The following MIS18BP1 variants were observed in gnomAD, a reference collection of about 807,000 sequenced individuals.
MIS18BP1 encodes mis18-binding protein 1.
MIS18BP1 carries 72 observed loss-of-function variants against 116.1 expected under a neutral mutation model. That is an observed-to-expected ratio of 0.62 (90% CI 0.51 to 0.75). The LOEUF (loss-of-function observed/expected upper bound fraction) is 0.75, where lower values mean the gene tolerates loss of function less well. MIS18BP1 is among the 30% of genes least tolerant of loss of function. MIS18BP1 has a pLI of 0.00. For missense variants in MIS18BP1, 1,363 were observed against 1,303.2 expected (o/e 1.05, Z -0.71); for synonymous variants, 386 against 427.0 (o/e 0.90, Z 1.18).
At chr14:45,230,559 C>T (rs1056804605) in intron 8 of MIS18BP1, among the ~76,000 whole-genome samples, 2 of 152,140 alleles carry the variant, frequency 1.3e-5, no homozygotes, top group Non-Finnish European at 2.9e-5. Context: ...AAAGAACAAT[C>T]ATCTTTCATT....
At chr14:45,248,668 T>A (rs1891788854) in intron 1 of MIS18BP1, among the ~76,000 whole-genome samples, 1 of 152,110 alleles carries the variant, frequency 6.6e-6, no homozygotes, top group Admixed American at 6.5e-5. Flanking sequence ...AAGCAATTAA[T>A]ATACAAAGTA....
rs534602460 is a variant in MIS18BP1, at chr14:45,215,866, A to G, written c.3003+1153T>C. Among the ~76,000 whole-genome samples the G allele has an allele frequency of 2.0e-5, 3 of 150,984 alleles. No individual in the cohort carries two copies. The South Asian group carries it at 6.3e-4, about 32-fold the overall frequency. On this transcript the variant is annotated intron_variant, in intron 13 of 16. Coordinates refer to ENST00000310806, the MANE Select transcript of MIS18BP1 (RefSeq NM_018353.5). ...ACTACAGGCGGCCGCCACCATGCCT[A>G]GCTAATTTTCTGTCTTTTTAGTAGA...
At position 45,223,906 on chromosome 14, in the gene MIS18BP1, C is replaced by G. The variant is rs1891044764; in HGVS notation, c.2669+12G>C. 2 of 1,537,092 alleles carry G rather than the reference C, an allele frequency of 1.3e-6. No individual in the cohort carries two copies. The highest frequency in any genetic ancestry group is 8.7e-7 in the Non-Finnish European group (1 of 1,145,038). On this transcript the variant is annotated intron_variant, in intron 11 of 16. Coordinates refer to ENST00000310806, the MANE Select transcript of MIS18BP1 (RefSeq NM_018353.5). Reference sequence around the variant, plus strand: ...CTCTGTAGATATTTCGGAATGAAATCTAACTACTTACCAATGAAGTTTCTG... The same window carrying G: ...CTCTGTAGATATTTCGGAATGAAATGTAACTACTTACCAATGAAGTTTCTG...
At chr14:45,241,898 G>A in intron 4 of MIS18BP1, 136 bp downstream of exon 4, 1 of 929,802 alleles carries the variant, frequency 1.1e-6, no homozygotes, top group South Asian at 1.7e-5. Context: ...ACATGATAAT[G>A]AAGACACTGT....
rs1891162634 is a variant in MIS18BP1, at chr14:45,227,699, A to G, written c.1710T>C (p.Thr570=). The G allele has an allele frequency of 4.3e-6, 7 of 1,613,528 alleles. No homozygotes were observed. In the East Asian group the frequency reaches 1.3e-4, roughly 31 times the overall value. ...LRFPDDQVNN[T]IQNGGGDDLS... Reference sequence around the variant, plus strand: ...AGTCATCTCCTCCTCCATTTTGAATAGTATTATTTACTTGGTCATCTGGGA... The same window carrying G: ...AGTCATCTCCTCCTCCATTTTGAATGGTATTATTTACTTGGTCATCTGGGA... The change falls in exon 9 of 17, where the codon ACT becomes ACC. Residue 570 remains threonine (T), a synonymous_variant. Coordinates refer to ENST00000310806, the MANE Select transcript of MIS18BP1 (RefSeq NM_018353.5).
At position 45,204,037 on chromosome 14, in the gene MIS18BP1, G is replaced by A. The variant is rs2139130263; in HGVS notation, c.*72C>T. 6.5e-7 allele frequency: 1 copy of A among 1,540,506 alleles called. No individual in the cohort carries two copies. Among genetic ancestry groups the A allele is most frequent in the Non-Finnish European group, 8.7e-7 (1 of 1,147,356 alleles). On this transcript the variant is annotated 3_prime_UTR_variant, in exon 17 of 17. Transcript: ENST00000310806. ...AAGCTACTTTACAAAGAAAATACAT[G>A]TACTCCAGTTGAAAATACAAACACT...
Position 45,224,423 on chromosome 14 carries a change from C to T in MIS18BP1, c.2164G>A (p.Val722Ile), listed in dbSNP as rs997705111. 1.9e-6 allele frequency: 3 copies of T among 1,613,738 alleles called. No homozygotes were observed. The African/African-American group carries it at 4.0e-5, about 22-fold the overall frequency. Residue 722 changes from valine to isoleucine, a missense_variant, in exon 11 of 17, where the codon GTC becomes ATC. Physicochemically the swap from Val to Ile is conservative, Grantham distance 29 (BLOSUM62 3). Coordinates refer to ENST00000310806, the MANE Select transcript of MIS18BP1 (RefSeq NM_018353.5). ...EDCDERDLLT[V>I]NRKIKISNLE... ...TTAGATATTTTTATTTTCCGGTTGA[C>T]AGTAAGTAAGTCACGTTCATCGCAA...
intron 1 of MIS18BP1, among the ~76,000 whole-genome samples, chr14:45,248,189 G>A (rs1329391969): frequency 1.3e-5 from 2 of 149,494 alleles, no homozygotes; most frequent in East Asian, 2.0e-4. Flanking sequence ...TCAGCCTCCC[G>A]AGTAGCTGGA....
chr14:45,221,828 G>A (rs529528751), intron 11 of MIS18BP1, among the ~76,000 whole-genome samples: 2 of 152,338 alleles, frequency 1.3e-5, no homozygotes, highest in African/African-American at 4.8e-5. Flanking sequence ...ACCAAGAGAG[G>A]AGCAGTGTGG....
chr14:45,220,664 A>C (rs1890947941), intron 11 of MIS18BP1, among the ~76,000 whole-genome samples: 1 of 152,200 alleles, frequency 6.6e-6, no homozygotes, highest in South Asian at 2.1e-4. Context: ...GTATGTATCA[A>C]TAGTTCTTCC....
chr14:45,250,914 G>C (rs377216548), intron 1 of MIS18BP1, among the ~76,000 whole-genome samples: 2 of 152,022 alleles, frequency 1.3e-5, no homozygotes, highest in Non-Finnish European at 2.9e-5. Flanking sequence ...ACACGCGCCT[G>C]TATTCCCAGC....
chr14:45,238,647 T>C (rs1044798961), intron 4 of MIS18BP1, among the ~76,000 whole-genome samples: 22 of 152,062 alleles, frequency 1.4e-4, no homozygotes, highest in African/African-American at 9.6e-5. Flanking sequence ...CTGGGCAACA[T>C]AGTAAGATTC....
chr14:45,236,088 G>A, intron 5 of MIS18BP1, 144 bp from the exon 6 acceptor site: 1 of 743,836 alleles, frequency 1.3e-6, no homozygotes. Flanking sequence ...CATTACAGCA[G>A]AACTCAACTG....
At chr14:45,250,780 G>C (rs897222535) in intron 1 of MIS18BP1, among the ~76,000 whole-genome samples, 2 of 151,920 alleles carry the variant, frequency 1.3e-5, no homozygotes, top group Non-Finnish European at 2.9e-5. Context: ...CCAGCACTTT[G>C]GGAGGCCAAG....
intron 9 of MIS18BP1, among the ~76,000 whole-genome samples, chr14:45,227,109 T>C (rs1035133188): frequency 3.9e-5 from 6 of 152,226 alleles, no homozygotes; most frequent in African/African-American, 1.4e-4. Flanking sequence ...AGCTTTACTC[T>C]AAAAGCTAAA....
chr14:45,239,920 C>A (rs1339107651), intron 4 of MIS18BP1, among the ~76,000 whole-genome samples: 3 of 152,112 alleles, frequency 2.0e-5, no homozygotes, highest in African/African-American at 7.2e-5. Context: ...TGCCTAAATA[C>A]TGGGGCCAAT....
Position 45,242,180 on chromosome 14 carries a change from G to T in MIS18BP1, c.997C>A (p.Pro333Thr). Residue 333 changes from proline (P) to threonine (T), a missense_variant, in exon 4 of 17, where the codon CCA becomes ACA. Pro to Thr is a conservative substitution (Grantham distance 38). Coordinates refer to ENST00000310806, the MANE Select transcript of MIS18BP1 (RefSeq NM_018353.5). The part of the protein sequence containing the change: ...GKTVPGETGL[P>T]GSMKDTCKIV... ...TTACATGTATCTTTCATGGAACCTG[G>T]AAGACCTGTCTCTCCAGGCACTGTT... 1 of 1,614,026 alleles carries T rather than the reference G, an allele frequency of 6.2e-7. No individual in the cohort carries two copies.
chr14:45,247,980 T>G (rs2139253495), intron 1 of MIS18BP1, among the ~76,000 whole-genome samples: 1 of 152,186 alleles, frequency 6.6e-6, no homozygotes, highest in African/African-American at 2.4e-5. Flanking sequence ...CTGATTTTTT[T>G]TAATGTAGTG....
chr14:45,245,426 G>A (rs925786190), intron 2 of MIS18BP1, among the ~76,000 whole-genome samples: 20 of 151,490 alleles, frequency 1.3e-4, no homozygotes, highest in Non-Finnish European at 2.9e-5. Flanking sequence ...GTGCAATGGC[G>A]TGATCTCAGC....
Sources: gnomAD v4.1 joint callset for allele counts (sites outside exome capture counted in the v4.1 genomes callset) on GRCh38, gnomAD v4.1.1 for gene constraint, MANE v1.5 for transcripts, NCBI Gene and HGNC (gene_info 2026-07-23, HGNC 2026-07-21) for gene names.